The following KDM5C variants were observed in gnomAD, a reference collection of about 807,000 sequenced individuals.
The protein encoded by KDM5C is lysine-specific demethylase 5C.
Under a neutral mutation model 110.6 loss-of-function variants are expected in KDM5C, and 16 were observed. The ratio of observed to expected loss-of-function variants is 0.14; its 90% CI spans 0.10 to 0.22. The LOEUF (loss-of-function observed/expected upper bound fraction) is 0.22. Ranked by LOEUF, KDM5C falls within the 10% of genes least tolerant of loss-of-function variation. The probability of loss-of-function intolerance (pLI) is 1.00; values close to 1 mark genes in which losing one functional copy is unlikely to be tolerated. For synonymous variants in KDM5C, 511 were observed against 520.4 expected (o/e 0.98, Z 0.24); for missense variants, 681 against 1,300.9 (o/e 0.52, Z 7.33).
chrX:53,184,988 G>A (rs1413825960), intron 25 of KDM5C, among the ~76,000 whole-genome samples: 2 of 111,951 alleles, frequency 1.8e-5, no homozygotes, highest in East Asian at 2.8e-4. Context: ...TGTAGGCAGG[G>A]GAATCCATCG....
Position 53,195,219 on chromosome X carries a change from C to T in KDM5C, c.3300+12G>A, listed in dbSNP as rs782391109. 1 of 1,196,842 alleles carries T rather than the reference C, an allele frequency of 8.4e-7. No homozygotes were observed. Among genetic ancestry groups the T allele is most frequent in the South Asian group, 1.8e-5 (1 of 54,941 alleles). On this transcript the variant is annotated intron_variant, in intron 21 of 25. Transcript: ENST00000375401. ...GTTAAGAGACGCTGTAGGTCAAGGT[C>T]CCAGGCCTCACCTCCAGCAGCGTGT...
chrX:53,182,179 A>T (rs1934084612), intron 25 of KDM5C, among the ~76,000 whole-genome samples: 1 of 101,111 alleles, frequency 9.9e-6, no homozygotes, highest in African/African-American at 3.8e-5. Context: ...CCGCCTCCCG[A>T]TTTCAAGTGA....
chrX:53,215,681 G>T, intron 7 of KDM5C, 114 bp downstream of exon 7: 1 of 755,659 alleles, frequency 1.3e-6, no homozygotes, highest in Non-Finnish European at 2.0e-6. Context: ...CTGAGGGCAG[G>T]GCCCATGGAG....
chrX:53,221,752 G>C (rs1210688425), intron 1 of KDM5C: 1 of 981,780 alleles, frequency 1.0e-6, no homozygotes, highest in Non-Finnish European at 1.3e-6. Flanking sequence ...AGAGGCAGGG[G>C]AGGAAGCCCC....
In KDM5C at chrX:53,193,178, TC is replaced by T; in HGVS notation, c.4471del (p.Glu1491ArgfsTer53). 8.3e-7 allele frequency: 1 copy of T among 1,210,528 alleles called. No individual in the cohort carries two copies. Among genetic ancestry groups the T allele is most frequent in the Non-Finnish European group, 1.1e-6 (1 of 895,225 alleles). On this transcript the variant is annotated frameshift_variant, in exon 26 of 26. Transcript: ENST00000375401. LOFTEE classifies it high-confidence loss of function. ...RVRSSGPEAE[E>X]VQEEEELEEE... is the part of the protein sequence containing the mutation. ...CTCCAGCTCTTCCTCCTCCTGGACC[TC>T]CTCAGCCTCTGGCCCTGAGCTCCGT...
rs1404245638 is a variant in KDM5C at position 53,225,161 on chromosome X, C to G, written c.-272G>C. On this transcript the variant is annotated 5_prime_UTR_variant, in exon 1 of 26. Coordinates refer to ENST00000375401, the MANE Select transcript of KDM5C (RefSeq NM_004187.5). Reference sequence around the variant, plus strand: ...GCAGCCTTCGCCACCACAGTTACCTCCCAAACGCCGCGGCCTTCAGCGCCG... The same window carrying G: ...GCAGCCTTCGCCACCACAGTTACCTGCCAAACGCCGCGGCCTTCAGCGCCG... 16 of 338,815 alleles carry G rather than the reference C, an allele frequency of 4.7e-5. 1 individual carries two copies. Among genetic ancestry groups the G allele is most frequent in the Non-Finnish European group, 7.6e-5 (15 of 196,540 alleles). The allele number at this position is 338,815 out of a possible 1,213,427, so 27.9% of individuals were successfully genotyped here.
intron 20 of KDM5C, 165 bp from the exon 21 acceptor site, chrX:53,195,575 G>A (rs782410159): frequency 1.3e-4 from 69 of 531,327 alleles, no homozygotes; most frequent in South Asian, 3.4e-4. Context: ...CCACAACACC[G>A]GCATCTACTG....
intron 1 of KDM5C, among the ~76,000 whole-genome samples, chrX:53,222,194 G>T (rs781842703): frequency 9.1e-6 from 1 of 109,665 alleles, no homozygotes; most frequent in Non-Finnish European, 1.9e-5. Flanking sequence ...ACACGTGGGC[G>T]GGGGGGAGAG....
At chrX:53,189,308 C>T (rs782376912), downstream of KDM5C, among the ~76,000 whole-genome samples, 3 of 111,770 alleles carry the variant, frequency 2.7e-5, no homozygotes, top group Non-Finnish European at 5.6e-5. Context: ...TTCTGTCTAG[C>T]ACAGGCCTTA....
At chrX:53,187,638 C>T (rs1271113191), downstream of KDM5C, among the ~76,000 whole-genome samples, 1 of 111,661 alleles carries the variant, frequency 9.0e-6, no homozygotes, top group Non-Finnish European at 1.9e-5. Flanking sequence ...GGCACGGTGG[C>T]TCATGCCTGT....
rs1556834026 is a variant in KDM5C at position 53,194,304 on chromosome X, G to A, written c.3873C>T (p.Arg1291=). Residue 1291 remains arginine (R), a synonymous_variant, in exon 23 of 26, where the codon CGC becomes CGT. Transcript: ENST00000375401. The part of the protein sequence containing the change: ...LTERAISWQG[R]ARQALASEDV... Reference sequence around the variant, plus strand: ...CTTCAGAGGCCAGAGCCTGCCTGGCGCGGCCTTGCCAGCTGATGGCCCTCT... The same window carrying A: ...CTTCAGAGGCCAGAGCCTGCCTGGCACGGCCTTGCCAGCTGATGGCCCTCT... 9.9e-6 allele frequency: 12 copies of A among 1,212,034 alleles called. No homozygotes were observed. Among genetic ancestry groups the A allele is most frequent in the Non-Finnish European group, 1.3e-5 (12 of 895,339 alleles).
In KDM5C at chrX:53,192,256, CTTT is replaced by C. The variant is rs781950484; in HGVS notation, c.*708_*710del. The C allele has an allele frequency of 6.1e-6, 1 of 164,018 alleles. No homozygotes were observed. The highest frequency in any genetic ancestry group is 1.9e-3 in the Middle Eastern group (1 of 516). 13.5% of individuals were successfully genotyped at this position (164,018 alleles called of 1,213,427 possible). On this transcript the variant is annotated 3_prime_UTR_variant, in exon 26 of 26. Transcript: ENST00000375401. ...AGTTGGAACCAAGTTTCTTGTTTTG[CTTT>C]TTTTTTTCTTTTGAACAAATTAATT...
intron 24 of KDM5C, 24 bp downstream of exon 24, chrX:53,193,749 T>C (rs781847818): frequency 8.4e-7 from 1 of 1,192,339 alleles, no homozygotes; most frequent in Non-Finnish European, 1.1e-6. Context: ...GTCAACAGCC[T>C]ACCCACACCA....
At chrX:53,198,002 C>T in intron 17 of KDM5C, 126 bp from the exon 18 acceptor site, 1 of 552,519 alleles carries the variant, frequency 1.8e-6, no homozygotes. Context: ...CAAATTTGCC[C>T]CAATTGCCCA....
At position 53,194,541 on chromosome X, in the gene KDM5C, C is replaced by A. The variant is rs782109911; in HGVS notation, c.3636G>T (p.Arg1212=). 35 of 1,211,641 alleles carry A rather than the reference C, an allele frequency of 2.9e-5. No homozygotes were observed. Among genetic ancestry groups the A allele is most frequent in the Non-Finnish European group, 3.9e-5 (35 of 895,277 alleles). Residue 1212 remains arginine, a synonymous_variant, in exon 23 of 26, where the codon CGG becomes CGT. Transcript: ENST00000375401. The part of the protein sequence containing the change: ...CDLCQDWFHG[R]CVSVPRLLSS... ...TGAGGAGGCGAGGCACTGACACACA[C>A]CGCCCATGGAACCAGTCCTGACACA...
intron 6 of KDM5C, 44 bp from the exon 7 acceptor site, chrX:53,216,020 T>C (rs782343118): frequency 8.3e-7 from 1 of 1,210,256 alleles, no homozygotes; most frequent in African/African-American, 1.7e-5. Context: ...CTAGGACACT[T>C]AGGGCCCTGA....
chrX:53,213,260 G>C (rs782601583), intron 8 of KDM5C, among the ~76,000 whole-genome samples: 34 of 111,560 alleles, frequency 3.0e-4, no homozygotes, highest in Non-Finnish European at 5.3e-4. Flanking sequence ...AAGTAGAGTC[G>C]ACAGTCTTGA....
chrX:53,222,070 A>T (rs1361600930), intron 1 of KDM5C, among the ~76,000 whole-genome samples: 1 of 111,155 alleles, frequency 9.0e-6, no homozygotes, highest in Non-Finnish European at 1.9e-5. Flanking sequence ...AAAAAAAGTG[A>T]AATTTCCAAA....
intron 12 of KDM5C, among the ~76,000 whole-genome samples, chrX:53,208,978 G>C (rs954897279): frequency 1.9e-5 from 2 of 108,095 alleles, no homozygotes; most frequent in Non-Finnish European, 3.8e-5. Flanking sequence ...ACCATACCTG[G>C]CTAATTTTTG....
Sources: allele counts gnomAD v4.1 joint callset (sites outside exome capture counted in the v4.1 genomes callset), GRCh38; gene constraint gnomAD v4.1.1; transcripts MANE v1.5; gene names NCBI Gene and HGNC (gene_info 2026-07-23, HGNC 2026-07-21).